CAMTA1: variants seen among roughly 807,000 people sequenced by gnomAD.
The protein encoded by CAMTA1 is calmodulin binding transcription activator 1, also known as calmodulin-binding transcription activator 1.
Under a neutral mutation model 170.9 loss-of-function variants are expected in CAMTA1, and 27 were observed. That is an observed-to-expected ratio of 0.16 (90% CI 0.12 to 0.22). The LOEUF is 0.22. Among genes scored for constraint, CAMTA1 ranks in the 10% least tolerant of loss-of-function variants. The probability of loss-of-function intolerance (pLI) is 1.00; values close to 1 mark genes in which losing one functional copy is unlikely to be tolerated. For missense variants in CAMTA1, 1,619 were observed against 2,217.2 expected (o/e 0.73, Z 5.42); for synonymous variants, 833 against 891.5 (o/e 0.93, Z 1.17).
intron 11 of CAMTA1, among the ~76,000 whole-genome samples, chr1:7,724,777 C>A (rs546713298): frequency 1.4e-5 from 2 of 147,298 alleles, no homozygotes; most frequent in Non-Finnish European, 3.0e-5. Context: ...GAGCCGAGAT[C>A]GCACTACTGC....
rs527289936 is a variant in CAMTA1, at chr1:7,034,401, G to A, written c.235-56903G>A. 3.9e-5 allele frequency among the ~76,000 whole-genome samples: 6 copies of A among 152,074 alleles called. No individual in the cohort carries two copies. In the South Asian group the frequency reaches 6.2e-4, roughly 16 times the overall value. ...GAACACCTGACCTTGTGATCCACCC[G>A]CCTCGGCCTCCCAAAGTGTTGAGAT... On this transcript the variant is annotated intron_variant, in intron 3 of 22. Transcript: ENST00000303635.
chr1:7,454,936 C>A (rs1223561778), intron 5 of CAMTA1, among the ~76,000 whole-genome samples: 2 of 152,158 alleles, frequency 1.3e-5, no homozygotes, highest in Non-Finnish European at 2.9e-5. Flanking sequence ...TGAAGTCTCA[C>A]CATTACTATT....
intron 1 of CAMTA1, among the ~76,000 whole-genome samples, chr1:6,813,809 C>G (rs1181344258): frequency 1.3e-5 from 2 of 152,068 alleles, no homozygotes; most frequent in Admixed American, 1.3e-4. Flanking sequence ...GTCTCAGTGG[C>G]ACAGTACCAA....
chr1:6,861,724 A>G (rs1344185887), intron 3 of CAMTA1, among the ~76,000 whole-genome samples: 1 of 152,214 alleles, frequency 6.6e-6, no homozygotes, highest in Non-Finnish European at 1.5e-5. Context: ...TAATTGTGGT[A>G]AAATATACAT....
intron 7 of CAMTA1, 87 bp downstream of exon 7, chr1:7,640,640 T>G: frequency 8.0e-6 from 12 of 1,504,942 alleles, no homozygotes; most frequent in Non-Finnish European, 1.1e-5. Flanking sequence ...CTCTGTGGCC[T>G]TGGGGATGCG....
intron 4 of CAMTA1, among the ~76,000 whole-genome samples, chr1:7,103,144 G>A (rs1340975516): frequency 6.6e-6 from 1 of 151,798 alleles, no homozygotes; most frequent in South Asian, 2.1e-4. Context: ...GGGGTGGGGG[G>A]TACCCTTGAA....
chr1:7,324,491 G>C (rs1678975728), intron 5 of CAMTA1, among the ~76,000 whole-genome samples: 1 of 152,014 alleles, frequency 6.6e-6, no homozygotes, highest in Non-Finnish European at 1.5e-5. Context: ...TTTCCATATA[G>C]CACTTTCCAT....
At position 7,532,877 on chromosome 1, in the gene CAMTA1, G is replaced by A. The variant is rs1750831; in HGVS notation, c.510+64976G>A. On this transcript the variant is annotated intron_variant, in intron 6 of 22. Transcript: ENST00000303635. This position sits in a 1 kb window ranked among gnomAD's most constrained non-coding sequence, Gnocchi z 4.2. ...ATGTCAAAGGGTGGAATGGACCCTG[G>A]GGCCCCAAAGAGTTCAGGACAGAAG... Among the ~76,000 whole-genome samples, 1,536 of 152,284 alleles carry A rather than the reference G, an allele frequency of 0.01. 16 individuals are homozygous for A. Among genetic ancestry groups the A allele is most frequent in the Non-Finnish European group, 0.016 (1,064 of 68,016 alleles).
chr1:7,400,295 A>G (rs1036328095), intron 5 of CAMTA1, among the ~76,000 whole-genome samples: 2 of 152,142 alleles, frequency 1.3e-5, no homozygotes, highest in East Asian at 3.9e-4. Context: ...TATTCATTGA[A>G]TTCTTCAGCT....
chr1:7,646,673 G>A (rs182463625), intron 7 of CAMTA1, among the ~76,000 whole-genome samples: 1 of 150,780 alleles, frequency 6.6e-6, no homozygotes, highest in East Asian at 2.0e-4. Flanking sequence ...GAGGGTGGAG[G>A]CCATGGTGAC....
chr1:7,495,067 A>G (rs776411522), intron 6 of CAMTA1, among the ~76,000 whole-genome samples: 3 of 152,154 alleles, frequency 2.0e-5, no homozygotes, highest in Admixed American at 6.5e-5. Flanking sequence ...GTTGCCCCTC[A>G]GTGGCTGCCC....
rs1185070709 is a variant in CAMTA1 at position 7,064,161 on chromosome 1, C to T, written c.235-27143C>T. The stretch of plus-strand genomic sequence containing the variant: ...CTCCTCCTTCTCTTCTTCCCTCCTC[C>T]TCCTCTTCCTTCTTCTTCTCCTCCT... On this transcript the variant is annotated intron_variant, in intron 3 of 22. Coordinates refer to ENST00000303635, the MANE Select transcript of CAMTA1 (RefSeq NM_015215.4). This position sits in a 1 kb window ranked among gnomAD's most constrained non-coding sequence, Gnocchi z 5.4. 1.3e-5 allele frequency among the ~76,000 whole-genome samples: 2 copies of T among 150,944 alleles called. No individual in the cohort carries two copies. Among genetic ancestry groups the T allele is most frequent in the African/African-American group, 2.4e-5 (1 of 40,978 alleles).
chr1:7,465,558 T>TGAGGGC (rs747796842), intron 5 of CAMTA1, among the ~76,000 whole-genome samples: 20 of 151,936 alleles, frequency 1.3e-4, no homozygotes, highest in Non-Finnish European at 2.8e-4. Flanking sequence ...GGTTCTGGAG[T>TGAGGGC]GAGGGCCCGA....
Position 7,129,999 on chromosome 1 carries a change from C to T in CAMTA1, c.302+38628C>T, listed in dbSNP as rs188060988. On this transcript the variant is annotated intron_variant, in intron 4 of 22. Transcript: ENST00000303635. ...TCACCCAGGCTGGAGTGCAATGGTGCGATCTTGGCTCACTGAAACCTCCAC... is the reference window on the plus strand; with the variant it reads ...TCACCCAGGCTGGAGTGCAATGGTGTGATCTTGGCTCACTGAAACCTCCAC... 1.2e-3 allele frequency among the ~76,000 whole-genome samples: 179 copies of T among 151,588 alleles called. 2 individuals carry two copies. The highest frequency in any genetic ancestry group is 3.6e-3 in the African/African-American group (149 of 41,294).
At chr1:7,461,212 C>A (rs972141215) in intron 5 of CAMTA1, among the ~76,000 whole-genome samples, 6 of 152,296 alleles carry the variant, frequency 3.9e-5, no homozygotes, top group African/African-American at 1.4e-4. Context: ...TTCAGGCCTG[C>A]CCAGGTAGAA....
At chr1:7,467,776 T>G in intron 5 of CAMTA1, 54 bp from the exon 6 acceptor site, 1 of 1,418,598 alleles carries the variant, frequency 7.0e-7, no homozygotes, top group Non-Finnish European at 1.0e-6. Flanking sequence ...CCGTCTTCCT[T>G]CCTTCCTTCC....
intron 5 of CAMTA1, among the ~76,000 whole-genome samples, chr1:7,364,739 G>A (rs56099822): frequency 0.026 from 3,898 of 152,266 alleles, 105 homozygotes; most frequent in African/African-American, 0.065. Context: ...TGTGCTGTGG[G>A]CTCTGGGGCT....
chr1:6,981,763 C>G (rs758797133), intron 3 of CAMTA1, among the ~76,000 whole-genome samples: 3 of 151,840 alleles, frequency 2.0e-5, no homozygotes, highest in African/African-American at 7.3e-5. Flanking sequence ...CAGAATCTTG[C>G]TCTGTTGCCA....
At chr1:7,520,846 GA>G (rs1191153539) in intron 6 of CAMTA1, among the ~76,000 whole-genome samples, 1 of 152,124 alleles carries the variant, frequency 6.6e-6, no homozygotes, top group Non-Finnish European at 1.5e-5. Flanking sequence ...GGTATCCATA[GA>G]ACCTTCCAGA....
Sources: allele counts gnomAD v4.1 joint callset (sites outside exome capture counted in the v4.1 genomes callset), GRCh38; gene constraint gnomAD v4.1.1; non-coding constraint Gnocchi (gnomAD v3.1); transcripts MANE v1.5; gene names NCBI Gene and HGNC (gene_info 2026-07-23, HGNC 2026-07-21).